TMEM117: variants seen among roughly 807,000 people sequenced by gnomAD.
The protein encoded by TMEM117 is transmembrane protein 117.
A neutral mutation model predicts 52.4 loss-of-function variants in TMEM117; 27 were observed. The observed-to-expected ratio is 0.51, with a 90% confidence interval of 0.38 to 0.71. The LOEUF (loss-of-function observed/expected upper bound fraction) is 0.71. Ranked by LOEUF, TMEM117 falls within the 30% of genes least tolerant of loss-of-function variation. The probability of loss-of-function intolerance (pLI) is 0.00; values close to 1 mark genes in which losing one functional copy is unlikely to be tolerated. For synonymous variants in TMEM117, 215 were observed against 206.3 expected (o/e 1.04, Z -0.36); for missense variants, 556 against 630.5 (o/e 0.88, Z 1.26).
intron 3 of TMEM117, among the ~76,000 whole-genome samples, chr12:44,070,135 C>T (rs1047146126): frequency 1.3e-5 from 2 of 152,200 alleles, no homozygotes; most frequent in African/African-American, 2.4e-5. Flanking sequence ...AAGTGATCCA[C>T]CTACCTTGGC....
At chr12:44,139,338 A>G (rs1038801163) in intron 3 of TMEM117, among the ~76,000 whole-genome samples, 1 of 152,106 alleles carries the variant, frequency 6.6e-6, no homozygotes, top group African/African-American at 2.4e-5. Flanking sequence ...TGTAAGACCA[A>G]TTCACTATAT....
chr12:43,860,005 G>C (rs1184163083), intron 2 of TMEM117, among the ~76,000 whole-genome samples: 5 of 152,126 alleles, frequency 3.3e-5, no homozygotes, highest in African/African-American at 1.2e-4. Flanking sequence ...AGCTATGAAG[G>C]TGTTAATGTC....
At chr12:44,001,506 A>G (rs1157058028) in intron 3 of TMEM117, among the ~76,000 whole-genome samples, 2 of 152,190 alleles carry the variant, frequency 1.3e-5, no homozygotes, top group African/African-American at 2.4e-5. Context: ...CAAATTCTGG[A>G]TTCCAGAAGC....
chr12:44,021,876 A>G (rs779453717), intron 3 of TMEM117, among the ~76,000 whole-genome samples: 1 of 152,060 alleles, frequency 6.6e-6, no homozygotes, highest in Non-Finnish European at 1.5e-5. Flanking sequence ...CTCTCATGCA[A>G]CCATAAGTTG....
intron 3 of TMEM117, among the ~76,000 whole-genome samples, chr12:44,002,803 T>G (rs899243267): frequency 6.7e-6 from 1 of 149,380 alleles, no homozygotes; most frequent in African/African-American, 2.6e-5. Context: ...GTGGGCAGCA[T>G]GGACGGAGAA....
chr12:44,204,199 A>G (rs1280429740), intron 4 of TMEM117, among the ~76,000 whole-genome samples: 2 of 152,202 alleles, frequency 1.3e-5, no homozygotes, highest in Non-Finnish European at 2.9e-5. Flanking sequence ...TCCTAAACTG[A>G]TAAACAATTT....
chr12:44,231,946 C>T (rs1274945671), intron 5 of TMEM117, among the ~76,000 whole-genome samples: 2 of 151,670 alleles, frequency 1.3e-5, no homozygotes, highest in African/African-American at 4.8e-5. Flanking sequence ...ATGGCTCTAT[C>T]TCCCTTAACA....
chr12:44,073,299 C>G (rs1166237502), intron 3 of TMEM117, among the ~76,000 whole-genome samples: 2 of 152,136 alleles, frequency 1.3e-5, no homozygotes, highest in African/African-American at 4.8e-5. Flanking sequence ...AAGAGGCAAC[C>G]AACTGTGGGT....
chr12:44,120,237 T>C (rs1459719438), intron 3 of TMEM117, among the ~76,000 whole-genome samples: 1 of 152,230 alleles, frequency 6.6e-6, no homozygotes, highest in East Asian at 1.9e-4. Flanking sequence ...ATTTTCCCGA[T>C]GGCTGTCTTC....
intron 6 of TMEM117, among the ~76,000 whole-genome samples, chr12:44,325,171 T>A (rs1257948600): frequency 6.6e-6 from 1 of 152,186 alleles, no homozygotes; most frequent in African/African-American, 2.4e-5. Context: ...CTTTTAAAAT[T>A]TGGATTTTGT....
chr12:44,000,464 C>G (rs939330240), intron 3 of TMEM117, among the ~76,000 whole-genome samples: 1 of 152,168 alleles, frequency 6.6e-6, no homozygotes, highest in Non-Finnish European at 1.5e-5. Flanking sequence ...CTCTCTGGGT[C>G]TTAAACACCT....
At chr12:43,912,609 A>C (rs1592357434) in intron 2 of TMEM117, among the ~76,000 whole-genome samples, 1 of 150,156 alleles carries the variant, frequency 6.7e-6, no homozygotes, top group Non-Finnish European at 1.5e-5. Flanking sequence ...GGCACTTTTA[A>C]GAGTGCCTGG....
chr12:44,000,595 C>T (rs947547011), intron 3 of TMEM117, among the ~76,000 whole-genome samples: 14 of 152,226 alleles, frequency 9.2e-5, no homozygotes, highest in Admixed American at 3.9e-4. Flanking sequence ...GGCAACTGGG[C>T]TGAGTCTTAC....
At chr12:43,802,420 C>T in the TMEM117 span, 4 of 1,603,100 alleles carry the variant, frequency 2.5e-6, no homozygotes, top group Non-Finnish European at 2.5e-6. Flanking sequence ...TAATCCTTAT[C>T]CCAGGAATCT....
chr12:44,086,941 A>T (rs553982104), intron 3 of TMEM117, among the ~76,000 whole-genome samples: 55 of 147,716 alleles, frequency 3.7e-4, no homozygotes, highest in African/African-American at 8.1e-4. Flanking sequence ...TTATAATTAT[A>T]AATTATATAA....
intron 6 of TMEM117, among the ~76,000 whole-genome samples, chr12:44,313,295 A>G (rs1951014238): frequency 6.6e-6 from 1 of 152,162 alleles, no homozygotes; most frequent in Non-Finnish European, 1.5e-5. Flanking sequence ...ATATGGTGAA[A>G]AGTAGGGGGA....
chr12:44,110,191 C>T (rs1238048792), intron 3 of TMEM117, among the ~76,000 whole-genome samples: 1 of 135,708 alleles, frequency 7.4e-6, no homozygotes, highest in Non-Finnish European at 1.5e-5. Flanking sequence ...TAATTGAATA[C>T]CCTTTATTTC....
intron 5 of TMEM117, among the ~76,000 whole-genome samples, chr12:44,250,936 A>G (rs1250160398): frequency 6.6e-6 from 1 of 152,132 alleles, no homozygotes. Flanking sequence ...GCAAACCACC[A>G]TGGCACATGT....
At chr12:44,397,020 G>A in the TMEM117 span, among the ~76,000 whole-genome samples, 1 of 152,066 alleles carries the variant, frequency 6.6e-6, no homozygotes, top group African/African-American at 2.4e-5. Context: ...GGGAAATGAG[G>A]GGTAAGAATA....
Sources: allele counts gnomAD v4.1 joint callset (sites outside exome capture counted in the v4.1 genomes callset), GRCh38; gene constraint gnomAD v4.1.1; transcripts MANE v1.5; gene names NCBI Gene and HGNC (gene_info 2026-07-23, HGNC 2026-07-21).